UBN2: variants seen among roughly 807,000 people sequenced by gnomAD.
UBN2 encodes ubinuclein 2.
A neutral mutation model predicts 120.2 loss-of-function variants in UBN2; 35 were observed. That is an observed-to-expected ratio of 0.29 (90% CI 0.22 to 0.39). UBN2 has a LOEUF of 0.39. Ranked by LOEUF, UBN2 falls within the 10% of genes least tolerant of loss-of-function variation. The pLI is 1.00. For missense variants in UBN2, 1,693 were observed against 1,663.2 expected (o/e 1.02, Z -0.31); for synonymous variants, 661 against 648.7 (o/e 1.02, Z -0.29).
rs75040433 is a variant in UBN2 at position 139,276,445 on chromosome 7, C to T, written c.2024+298C>T. 1,631 of 391,564 alleles carry T rather than the reference C, an allele frequency of 4.2e-3. 30 individuals are homozygous for T. The highest frequency in any genetic ancestry group is 0.031 in the African/African-American group (1,505 of 48,584). The allele number at this position is 391,564 out of a possible 1,614,324, so 24.3% of individuals were successfully genotyped here. A position where few individuals can be genotyped will look rare whatever the true frequency, so the allele number is the denominator to read the frequency against. ...TCTACCTGCCAGTCTTTTTCTCCAC[C>T]TCTTAATGTCCATCTGCATTTGTAA... On this transcript the variant is annotated intron_variant, in intron 12 of 17. Transcript: ENST00000473989.
Position 139,273,560 on chromosome 7 carries a change from T to C in UBN2, c.1829+150T>C, listed in dbSNP as rs1057369457. ...TTATTCAAGAGAAGATTAATTGGGC[T>C]CTAATATCCTCAGAGTATTATTGCT... On this transcript the variant is annotated intron_variant, in intron 10 of 17. Transcript: ENST00000473989. 13 of 545,158 alleles carry C rather than the reference T, an allele frequency of 2.4e-5. No individual in the cohort carries two copies. In the African/African-American group the frequency reaches 2.5e-4, roughly 10 times the overall value. 33.8% of individuals were successfully genotyped at this position (545,158 alleles called of 1,614,324 possible). A position where few individuals can be genotyped will look rare whatever the true frequency, so the allele number is the denominator to read the frequency against.
At chr7:139,245,706 C>A (rs1486843006) in intron 2 of UBN2, among the ~76,000 whole-genome samples, 1 of 152,140 alleles carries the variant, frequency 6.6e-6, no homozygotes, top group African/African-American at 2.4e-5. Flanking sequence ...AAAAGATCGT[C>A]ATTGTGATTT....
At position 139,277,977 on chromosome 7, in the gene UBN2, T is replaced by C. The variant is rs779371629; in HGVS notation, c.2025-1341T>C. 4.6e-5 allele frequency among the ~76,000 whole-genome samples: 7 copies of C among 152,214 alleles called. No homozygotes were observed. In the East Asian group the frequency reaches 5.8e-4, roughly 13 times the overall value. ...ATAAAAGTTATGTGAATGTGGTTTA[T>C]CTCTATTTCTGGAATTTTCCATTTA... On this transcript the variant is annotated intron_variant, in intron 12 of 17. Transcript: ENST00000473989.
chr7:139,287,741 C>T (rs936167912), intron 15 of UBN2, among the ~76,000 whole-genome samples: 3 of 150,424 alleles, frequency 2.0e-5, no homozygotes, highest in African/African-American at 7.3e-5. Context: ...GTCATTTCTA[C>T]CCTTTGGCGA....
chr7:139,311,513 T>G (rs983026742), downstream of UBN2, among the ~76,000 whole-genome samples: 2 of 152,198 alleles, frequency 1.3e-5, no homozygotes, highest in African/African-American at 4.8e-5. Flanking sequence ...GCCCATTTCC[T>G]CATCTGCACA....
At chr7:139,318,906 T>C in the UBN2 span, among the ~76,000 whole-genome samples, 1 of 151,962 alleles carries the variant, frequency 6.6e-6, no homozygotes, top group Non-Finnish European at 1.5e-5. Flanking sequence ...CTCCGGCTGG[T>C]GGCTAAGGAC....
chr7:139,278,752 C>G (rs1272812934), intron 12 of UBN2, among the ~76,000 whole-genome samples: 3 of 152,076 alleles, frequency 2.0e-5, no homozygotes, highest in Admixed American at 1.3e-4. Context: ...TTTAGCTTGT[C>G]AACAATTTAA....
chr7:139,280,941 G>GC (rs1305368677), intron 13 of UBN2, among the ~76,000 whole-genome samples: 1 of 152,230 alleles, frequency 6.6e-6, no homozygotes, highest in Non-Finnish European at 1.5e-5. Flanking sequence ...ACTATGCCCA[G>GC]CCAGTAGTCC....
At chr7:139,233,989 A>G (rs955759425) in intron 1 of UBN2, among the ~76,000 whole-genome samples, 92 of 152,246 alleles carry the variant, frequency 6.0e-4, no homozygotes, top group African/African-American at 2.0e-3. Flanking sequence ...TCCATTGTAT[A>G]TAATCACCTT....
At chr7:139,309,345 TCATA>T (rs1232685983), downstream of UBN2, among the ~76,000 whole-genome samples, 8 of 152,140 alleles carry the variant, frequency 5.3e-5, no homozygotes, top group African/African-American at 1.9e-4. Context: ...GACATGGACC[TCATA>T]CATTAGGGGA....
At chr7:139,235,563 C>T (rs1584981776) in intron 1 of UBN2, among the ~76,000 whole-genome samples, 1 of 152,058 alleles carries the variant, frequency 6.6e-6, no homozygotes, top group Non-Finnish European at 1.5e-5. Flanking sequence ...TGTGCCACCA[C>T]ACCCAGCTAG....
At chr7:139,315,951 C>T in the UBN2 span, among the ~76,000 whole-genome samples, 1 of 151,916 alleles carries the variant, frequency 6.6e-6, no homozygotes, top group South Asian at 2.1e-4. Context: ...GTGGCAGGCG[C>T]CTGTAATCCC....
chr7:139,285,829 G>A (rs1435891688), intron 15 of UBN2, among the ~76,000 whole-genome samples: 2 of 151,960 alleles, frequency 1.3e-5, no homozygotes, highest in East Asian at 1.9e-4. Flanking sequence ...TGCAACCTCC[G>A]CTTCTCGGGT....
intron 2 of UBN2, among the ~76,000 whole-genome samples, chr7:139,247,009 G>A (rs1563204955): frequency 6.6e-6 from 1 of 152,112 alleles, no homozygotes; most frequent in Non-Finnish European, 1.5e-5. Context: ...CATGAGTCAA[G>A]TTGCTATAAA....
At chr7:139,248,272 T>C (rs1191687798) in intron 2 of UBN2, among the ~76,000 whole-genome samples, 1 of 152,158 alleles carries the variant, frequency 6.6e-6, no homozygotes, top group Non-Finnish European at 1.5e-5. Flanking sequence ...TAATACTTCA[T>C]AGGAAATTTG....
intron 2 of UBN2, 40 bp downstream of exon 2, chr7:139,237,137 A>G (rs899237544): frequency 1.3e-5 from 19 of 1,468,868 alleles, no homozygotes; most frequent in Middle Eastern, 1.8e-4. Context: ...ATTTTATCCT[A>G]TTGACCTGTT....
chr7:139,254,075 C>T (rs1320121713), intron 3 of UBN2, among the ~76,000 whole-genome samples: 1 of 152,132 alleles, frequency 6.6e-6, no homozygotes, highest in Admixed American at 6.6e-5. Flanking sequence ...CGGCAGATCA[C>T]GAGGTCAGGA....
the UBN2 span, among the ~76,000 whole-genome samples, chr7:139,314,112 T>TA: frequency 6.7e-6 from 1 of 149,894 alleles, no homozygotes; most frequent in East Asian, 2.1e-4. Context: ...CCTCCCAAAG[T>TA]GCTGGGATTA....
intron 2 of UBN2, 94 bp from the exon 3 acceptor site, chr7:139,251,862 T>A: frequency 8.2e-7 from 1 of 1,224,234 alleles, no homozygotes; most frequent in Non-Finnish European, 1.2e-6. Flanking sequence ...GGGGACTATC[T>A]GCAAAAATTA....
Sources: gnomAD v4.1 joint callset for allele counts (sites outside exome capture counted in the v4.1 genomes callset) on GRCh38, gnomAD v4.1.1 for gene constraint, MANE v1.5 for transcripts, NCBI Gene and HGNC (gene_info 2026-07-23, HGNC 2026-07-21) for gene names.